The following RAPH1 variants were observed in gnomAD, a reference collection of about 807,000 sequenced individuals.
RAPH1 encodes the protein Ras association (RalGDS/AF-6) and pleckstrin homology domains 1.
Under a neutral mutation model 88.1 loss-of-function variants are expected in RAPH1, and 18 were observed. The ratio of observed to expected loss-of-function variants is 0.20; its 90% confidence interval spans 0.14 to 0.30. RAPH1 has a LOEUF of 0.30. Ranked by LOEUF, RAPH1 falls within the 10% of genes least tolerant of loss-of-function variation. The pLI is 1.00. For synonymous variants in RAPH1, 587 were observed against 559.0 expected (o/e 1.05, Z -0.71); for missense variants, 1,448 against 1,543.2 (o/e 0.94, Z 1.03).
intron 4 of RAPH1, 140 bp from the exon 5 acceptor site, chr2:203,462,065 G>A: frequency 1.9e-6 from 1 of 525,684 alleles, no homozygotes; most frequent in Non-Finnish European, 3.1e-6. Context: ...AAAAATAACT[G>A]TTCACAAAGA....
intron 1 of RAPH1, among the ~76,000 whole-genome samples, chr2:203,514,380 C>T (rs576789243): frequency 1.1e-4 from 16 of 151,996 alleles, no homozygotes; most frequent in African/African-American, 3.6e-4. Context: ...TTTGTTTTTA[C>T]TCTCTGTGTA....
intron 4 of RAPH1, among the ~76,000 whole-genome samples, chr2:203,482,802 C>CA (rs767753324): frequency 8.2e-4 from 117 of 143,206 alleles, no homozygotes; most frequent in Middle Eastern, 3.5e-3. Context: ...GAATCTGTCT[C>CA]AAAAAAAACA....
At chr2:203,492,691 CTTTAA>C (rs907169617) in intron 2 of RAPH1, among the ~76,000 whole-genome samples, 3 of 151,784 alleles carry the variant, frequency 2.0e-5, no homozygotes, top group African/African-American at 7.3e-5. Context: ...TGTTTTAAAA[CTTTAA>C]TTTATATCTA....
chr2:203,442,399 G>C (rs550694893), intron 13 of RAPH1: 183 of 212,230 alleles, frequency 8.6e-4, no homozygotes, highest in Admixed American at 3.7e-3. Flanking sequence ...GAGGATCCAA[G>C]ATAAACCATT....
rs1438744772 is a variant in RAPH1, at chr2:203,460,081, A to ATTC, written c.971-54_971-53insGAA. On this transcript the variant is annotated intron_variant, in intron 6 of 13. Transcript: ENST00000319170. ...TGTTAGTATTCATTAGAGTTGCATG[A>ATTC]AAGACATGAAACTTTGTGAAGTAGT... 6.0e-6 allele frequency: 9 copies of ATTC among 1,499,114 alleles called. No homozygotes were observed. In the African/African-American group the frequency reaches 1.3e-4, roughly 21 times the overall value. The allele number at this position is 1,499,114 out of a possible 1,614,324, so 92.9% of individuals were successfully genotyped here.
intron 10 of RAPH1, among the ~76,000 whole-genome samples, chr2:203,450,537 G>A (rs2098513986): frequency 6.6e-6 from 1 of 152,202 alleles, no homozygotes; most frequent in Non-Finnish European, 1.5e-5. Context: ...AAGGAGGAAG[G>A]GGGATTTTAC....
At chr2:203,493,113 A>T (rs1688346893) in intron 2 of RAPH1, among the ~76,000 whole-genome samples, 1 of 152,246 alleles carries the variant, frequency 6.6e-6, no homozygotes, top group Non-Finnish European at 1.5e-5. Context: ...CCCAAGTGTT[A>T]CAAAGCAACA....
At chr2:203,519,079 G>A (rs1387930597) in intron 1 of RAPH1, among the ~76,000 whole-genome samples, 3 of 152,156 alleles carry the variant, frequency 2.0e-5, no homozygotes, top group African/African-American at 7.2e-5. Flanking sequence ...ATTTAGTGAA[G>A]AAATTATACC....
intron 2 of RAPH1, among the ~76,000 whole-genome samples, chr2:203,492,727 T>C (rs184438762): frequency 2.0e-5 from 3 of 152,250 alleles, no homozygotes; most frequent in African/African-American, 4.8e-5. Context: ...TGAACAAGCT[T>C]CAAATTTTAA....
chr2:203,478,755 C>T (rs1051904927), intron 4 of RAPH1, among the ~76,000 whole-genome samples: 2 of 152,210 alleles, frequency 1.3e-5, no homozygotes, highest in African/African-American at 4.8e-5. Flanking sequence ...TCCAAAAGTT[C>T]TGGGATTACA....
At chr2:203,524,963 TC>T (rs1198738688) in intron 1 of RAPH1, among the ~76,000 whole-genome samples, 1 of 152,242 alleles carries the variant, frequency 6.6e-6, no homozygotes, top group Non-Finnish European at 1.5e-5. Flanking sequence ...TATGCAATTT[TC>T]TGATTATGTA....
chr2:203,489,901 A>C lies in RAPH1; in HGVS notation c.415T>G (p.Ser139Ala). Reference protein sequence around the residue: ...KHGTLKGLSSSSNRIAKPSHA... With the variant: ...KHGTLKGLSSASNRIAKPSHA... Reference sequence around the variant, plus strand: ...GAAGGTTTAGCTATCCTATTAGATGAAGAAGATAATCCTTTCAAGGTGCCA... The same window carrying C: ...GAAGGTTTAGCTATCCTATTAGATGCAGAAGATAATCCTTTCAAGGTGCCA... The change falls in exon 4 of 14, where the codon TCA (serine) becomes GCA (alanine). Residue 139 changes from serine to alanine, a missense_variant. By Grantham distance (99) the Ser-to-Ala change is moderately conservative (BLOSUM62 1). Transcript: ENST00000319170. 1.2e-6 allele frequency: 2 copies of C among 1,614,236 alleles called. No individual in the cohort carries two copies. The highest frequency in any genetic ancestry group is 1.7e-6 in the Non-Finnish European group (2 of 1,180,038).
At chr2:203,506,642 C>T (rs539944602) in intron 1 of RAPH1, among the ~76,000 whole-genome samples, 37 of 149,388 alleles carry the variant, frequency 2.5e-4, no homozygotes, top group Admixed American at 1.3e-3. Flanking sequence ...GCCTGAAGGC[C>T]CAGATCAGGG....
At chr2:203,469,908 A>C (rs542122622) in intron 4 of RAPH1, among the ~76,000 whole-genome samples, 4 of 152,386 alleles carry the variant, frequency 2.6e-5, no homozygotes, top group Non-Finnish European at 5.9e-5. Context: ...ATGGACAACC[A>C]TTAGCAGTAA....
intron 1 of RAPH1, among the ~76,000 whole-genome samples, chr2:203,521,412 C>A (rs1227088821): frequency 6.6e-6 from 1 of 151,984 alleles, no homozygotes; most frequent in African/African-American, 2.4e-5. Context: ...TTCAAAAGCA[C>A]AGAAGAATAT....
rs1275348828 is a variant in RAPH1 at position 203,434,037 on chromosome 2, CATAT to C, written c.*5396_*5399del. On this transcript the variant is annotated 3_prime_UTR_variant, in exon 14 of 14. Transcript: ENST00000319170. ...TCAGTAGTACTGAATATATCTCTCT[CATAT>C]ATCTATCTATCTATCTATATATATA... The C allele has an allele frequency of 2.2e-4, 29 of 131,344 alleles. No individual in the cohort carries two copies. Among genetic ancestry groups the C allele is most frequent in the Admixed American group, 4.5e-4 (6 of 13,268 alleles). The allele number at this position is 131,344 out of a possible 1,614,324, so 8.1% of individuals were successfully genotyped here. A position where few individuals can be genotyped will look rare whatever the true frequency, so the allele number is the denominator to read the frequency against.
At chr2:203,505,444 C>CA (rs1224922563) in intron 1 of RAPH1, among the ~76,000 whole-genome samples, 1 of 151,774 alleles carries the variant, frequency 6.6e-6, no homozygotes, top group African/African-American at 2.4e-5. Flanking sequence ...TTAAATTACC[C>CA]CCCCCGGGTC....
At chr2:203,476,221 C>G (rs1356557192) in intron 4 of RAPH1, among the ~76,000 whole-genome samples, 2 of 151,984 alleles carry the variant, frequency 1.3e-5, no homozygotes, top group Non-Finnish European at 2.9e-5. Context: ...GTGGTGTGAT[C>G]TTGGCTCACT....
chr2:203,479,897 C>T (rs1263374057), intron 4 of RAPH1, among the ~76,000 whole-genome samples: 1 of 152,114 alleles, frequency 6.6e-6, no homozygotes, highest in African/African-American at 2.4e-5. Context: ...TGCTCCAAGT[C>T]TAATATTTAC....
Sources: gnomAD v4.1 joint callset for allele counts (sites outside exome capture counted in the v4.1 genomes callset) on GRCh38, gnomAD v4.1.1 for gene constraint, MANE v1.5 for transcripts, NCBI Gene and HGNC (gene_info 2026-07-23, HGNC 2026-07-21) for gene names.